The following RIMS1 variants were observed in gnomAD, a reference collection of about 807,000 sequenced individuals.
RIMS1 encodes regulating synaptic membrane exocytosis protein 1.
RIMS1 carries 83 observed loss-of-function variants against 214.1 expected under a neutral mutation model. The observed-to-expected ratio is 0.39, with a 90% CI of 0.32 to 0.47. RIMS1 has a LOEUF of 0.47. Among genes scored for constraint, RIMS1 ranks in the 20% least tolerant of loss-of-function variants. RIMS1 has a pLI of 0.99. For missense variants in RIMS1, 2,050 were observed against 2,161.8 expected (o/e 0.95, Z 1.03); for synonymous variants, 793 against 786.8 (o/e 1.01, Z -0.13).
At chr6:72,216,732 C>T in intron 6 of RIMS1, 1 of 986,164 alleles carries the variant, frequency 1.0e-6, no homozygotes, top group Non-Finnish European at 1.2e-6. Flanking sequence ...AGATGAGCTC[C>T]TGAACATTTG....
At chr6:72,025,711 C>G (rs1816223085) in intron 2 of RIMS1, among the ~76,000 whole-genome samples, 1 of 152,180 alleles carries the variant, frequency 6.6e-6, no homozygotes, top group African/African-American at 2.4e-5. Flanking sequence ...CTCCCAACAA[C>G]TATAATCGTC....
intron 1 of RIMS1, among the ~76,000 whole-genome samples, chr6:71,910,193 T>A (rs1776461943): frequency 6.6e-6 from 1 of 152,110 alleles, no homozygotes; most frequent in Non-Finnish European, 1.5e-5. Context: ...TGACTACCCA[T>A]TTAACGTAAT....
At chr6:71,962,262 G>A (rs538093187) in intron 1 of RIMS1, among the ~76,000 whole-genome samples, 1 of 152,152 alleles carries the variant, frequency 6.6e-6, no homozygotes. Context: ...AATCTTTGTA[G>A]TGAATCTTTA....
At chr6:72,181,092 A>G (rs2048343481) in intron 5 of RIMS1, among the ~76,000 whole-genome samples, 1 of 152,216 alleles carries the variant, frequency 6.6e-6, no homozygotes, top group Non-Finnish European at 1.5e-5. Context: ...CCCTTTTCTG[A>G]CAAATCCTAG....
intron 1 of RIMS1, among the ~76,000 whole-genome samples, chr6:71,904,035 C>T (rs899694319): frequency 1.3e-5 from 2 of 151,970 alleles, no homozygotes; most frequent in Admixed American, 1.3e-4. Context: ...TGTTTTTGTC[C>T]TTTCACCTGG....
At chr6:72,333,948 A>G (rs771459277) in intron 29 of RIMS1, 113 bp downstream of exon 29, 1 of 773,332 alleles carries the variant, frequency 1.3e-6, no homozygotes, top group Non-Finnish European at 2.1e-6. Flanking sequence ...TTCTTTGAAA[A>G]GAAAATTTAT....
intron 2 of RIMS1, among the ~76,000 whole-genome samples, chr6:72,037,637 T>G (rs371470436): frequency 2.6e-5 from 4 of 152,074 alleles, no homozygotes; most frequent in African/African-American, 9.7e-5. Context: ...ACAATCAAGA[T>G]AGTAAACATA....
rs570877638 is a variant in RIMS1 at position 72,271,556 on chromosome 6, G to A, written c.3399-2793G>A. 1.1e-3 allele frequency among the ~76,000 whole-genome samples: 164 copies of A among 151,924 alleles called. 2 individuals carry two copies. The highest frequency in any genetic ancestry group is 3.8e-3 in the African/African-American group (156 of 41,468). On this transcript the variant is annotated intron_variant, in intron 22 of 33. Transcript: ENST00000521978. The stretch of plus-strand genomic sequence containing the variant: ...AAGCTTCTTAGCCATGTTCTGCCAA[G>A]AGATATGCACCATTGAAAGACGTGT...
Position 72,363,530 on chromosome 6 carries a change from A to T in RIMS1, c.4367-27068A>T, listed in dbSNP as rs544773404. 2.0e-5 allele frequency among the ~76,000 whole-genome samples: 3 copies of T among 152,356 alleles called. No individual in the cohort carries two copies. In the East Asian group the frequency reaches 5.8e-4, roughly 29 times the overall value. ...TAAGAAAATGAGTTAGGATGAAGAG[A>T]AATATTTGGAGTTGAAATATATAAA... On this transcript the variant is annotated intron_variant, in intron 29 of 33. Coordinates refer to ENST00000521978, the MANE Select transcript of RIMS1 (RefSeq NM_014989.7).
At chr6:72,026,498 T>A (rs1816563139) in intron 2 of RIMS1, among the ~76,000 whole-genome samples, 1 of 132,094 alleles carries the variant, frequency 7.6e-6, no homozygotes, top group Non-Finnish European at 1.6e-5. Flanking sequence ...TCTTTTTGAC[T>A]AGGGAAGAAT....
chr6:72,118,205 T>C (rs1377147310), intron 4 of RIMS1, among the ~76,000 whole-genome samples: 1 of 151,450 alleles, frequency 6.6e-6, no homozygotes, highest in Admixed American at 6.6e-5. Flanking sequence ...AAATATACAA[T>C]ACTTCTAGAT....
intron 6 of RIMS1, among the ~76,000 whole-genome samples, chr6:72,195,034 TACTGAAGATTC>T (rs2050648515): frequency 9.7e-6 from 1 of 102,834 alleles, no homozygotes; most frequent in Admixed American, 8.9e-5. Flanking sequence ...TGAAGATTCA[TACTGAAGATTC>T]GTGCCTGTGA....
At chr6:72,120,792 C>T (rs559952392) in intron 4 of RIMS1, among the ~76,000 whole-genome samples, 1 of 151,994 alleles carries the variant, frequency 6.6e-6, no homozygotes, top group Admixed American at 6.6e-5. Context: ...TTAGGTCTAA[C>T]ATTTAAGTCT....
intron 3 of RIMS1, among the ~76,000 whole-genome samples, 192 bp from the exon 4 acceptor site, chr6:72,099,783 T>G (rs2033068212): frequency 6.6e-6 from 1 of 152,156 alleles, no homozygotes; most frequent in African/African-American, 2.4e-5. Flanking sequence ...GTTTGCATTT[T>G]CAATGAAGGA....
intron 4 of RIMS1, among the ~76,000 whole-genome samples, chr6:72,137,734 C>CTTTTT (rs1220065879): frequency 3.9e-5 from 5 of 128,690 alleles, no homozygotes; most frequent in East Asian, 2.3e-4. Context: ...TCTATACAAT[C>CTTTTT]TTTTTTTTTT....
At chr6:72,203,983 C>T (rs116937881) in intron 6 of RIMS1, among the ~76,000 whole-genome samples, 1 of 152,242 alleles carries the variant, frequency 6.6e-6, no homozygotes, top group Non-Finnish European at 1.5e-5. Flanking sequence ...TTTGAAGACA[C>T]ATTTGACTGG....
At chr6:71,905,878 T>G (rs1775107866) in intron 1 of RIMS1, among the ~76,000 whole-genome samples, 1 of 152,138 alleles carries the variant, frequency 6.6e-6, no homozygotes, top group East Asian at 1.9e-4. Context: ...TGAGTTCTGC[T>G]GCAAAAAGAA....
At chr6:72,323,835 T>A (rs1392051495) in intron 28 of RIMS1, among the ~76,000 whole-genome samples, 1 of 151,822 alleles carries the variant, frequency 6.6e-6, no homozygotes, top group African/African-American at 2.4e-5. Context: ...AAAAAAGAGA[T>A]AATATCTTTG....
chr6:72,138,097 T>C (rs956142038), intron 4 of RIMS1, among the ~76,000 whole-genome samples: 2 of 152,142 alleles, frequency 1.3e-5, no homozygotes, highest in South Asian at 2.1e-4. Context: ...TGTGTATGTA[T>C]ATGTGTATAG....
Sources: allele counts gnomAD v4.1 joint callset (sites outside exome capture counted in the v4.1 genomes callset), GRCh38; gene constraint gnomAD v4.1.1; transcripts MANE v1.5; gene names NCBI Gene and HGNC (gene_info 2026-07-23, HGNC 2026-07-21).